The following APC variants were observed in gnomAD, a reference collection of about 807,000 sequenced individuals.
APC encodes adenomatous polyposis coli protein.
APC carries 72 observed loss-of-function variants against 247.0 expected under a neutral mutation model. The observed-to-expected ratio is 0.29, with a 90% confidence interval of 0.24 to 0.35. The LOEUF is 0.35. APC is among the 10% of genes least tolerant of loss of function. APC has a pLI of 1.00. For missense variants in APC, 3,400 were observed against 3,360.7 expected (o/e 1.01, Z -0.29); for synonymous variants, 1,254 against 1,162.5 (o/e 1.08, Z -1.60).
chr5:112,805,157 A>G (rs1761245069), intron 8 of APC, among the ~76,000 whole-genome samples: 1 of 152,088 alleles, frequency 6.6e-6, no homozygotes, highest in Admixed American at 6.5e-5. Context: ...GGTTTTACTT[A>G]TTCTTTTGTG....
In APC at chr5:112,843,471, C is replaced by T. The variant is rs730881268; in HGVS notation, c.7877C>T (p.Thr2626Ile). The T allele has an allele frequency of 2.5e-6, 4 of 1,613,800 alleles. No homozygotes were observed. The highest frequency in any genetic ancestry group is 2.2e-5 in the East Asian group (1 of 44,886). Reference protein sequence around the residue: ...KENEFSPTNSTSQTVSSGATN... With the variant: ...KENEFSPTNSISQTVSSGATN... ...AATGAATTTTCTCCCACAAATAGTA[C>T]TTCTCAGACCGTTTCCTCAGGTGCT... Residue 2626 changes from threonine to isoleucine, a missense_variant, in exon 16 of 16, where the codon ACT (threonine) becomes ATT (isoleucine). Physicochemically the swap from Thr to Ile is moderately conservative, Grantham distance 89 (BLOSUM62 -1). Around this residue, in one of 9 missense-constraint regions of APC, gnomAD observed 1,788 missense variants for 1,649.5 expected, o/e 1.08. Coordinates refer to ENST00000257430, the MANE Select transcript of APC (RefSeq NM_000038.6). The surrounding 1 kb of genome is among the most constrained non-coding windows in gnomAD (Gnocchi z 4.8).
At chr5:112,759,017 C>A (rs1285673545) in intron 2 of APC, among the ~76,000 whole-genome samples, 1 of 152,030 alleles carries the variant, frequency 6.6e-6, no homozygotes, top group Non-Finnish European at 1.5e-5. Context: ...TATCTATAGG[C>A]AAGTTATTGA....
At chr5:112,772,402 G>A (rs1580347894) in intron 4 of APC, among the ~76,000 whole-genome samples, 1 of 152,054 alleles carries the variant, frequency 6.6e-6, no homozygotes, top group African/African-American at 2.4e-5. Flanking sequence ...TTTTACTACA[G>A]GTTAATCTTA....
In APC at chr5:112,843,824, A is replaced by G. The variant is rs770755260; in HGVS notation, c.8230A>G (p.Asn2744Asp). The G allele has an allele frequency of 1.2e-6, 2 of 1,614,050 alleles. No homozygotes were observed. The highest frequency in any genetic ancestry group is 2.2e-5 in the South Asian group (2 of 91,072). The change falls in exon 16 of 16, where the codon AAT becomes GAT. Residue 2744 changes from asparagine to aspartate, a missense_variant. By Grantham distance (23) the Asn-to-Asp change is conservative. This residue lies in a region of APC where 1,788 missense variants were observed against 1,649.5 expected (regional missense o/e 1.08). Transcript: ENST00000257430. This position sits in a 1 kb window ranked among gnomAD's most constrained non-coding sequence, Gnocchi z 4.8. ...AACTGAGATAAAACCAGGACAAAAT[A>G]ATCCTGTCCCTGTATCAGAGACTAA... ...KGTEIKPGQN[N>D]PVPVSETNES...
intron 1 of APC, among the ~76,000 whole-genome samples, chr5:112,753,606 A>G (rs939833951): frequency 3.9e-5 from 6 of 152,130 alleles, no homozygotes; most frequent in Non-Finnish European, 7.4e-5. Context: ...CCCTGCCTGC[A>G]GGACTCCCCT....
chr5:112,820,015 C>G (rs568135249), intron 10 of APC, among the ~76,000 whole-genome samples: 2 of 152,210 alleles, frequency 1.3e-5, no homozygotes, highest in South Asian at 4.1e-4. Flanking sequence ...GAGTGATAAT[C>G]CACCCAGCTC....
intron 4 of APC, among the ~76,000 whole-genome samples, chr5:112,768,747 C>T (rs1439415951): frequency 2.7e-5 from 4 of 150,728 alleles, no homozygotes; most frequent in African/African-American, 7.4e-5. Flanking sequence ...TGTACAGTAG[C>T]GTAGAACACA....
chr5:112,753,187 A>G (rs1462907118), intron 1 of APC, among the ~76,000 whole-genome samples: 1 of 152,112 alleles, frequency 6.6e-6, no homozygotes, highest in Non-Finnish European at 1.5e-5. Flanking sequence ...TGTGCTGGGT[A>G]TTTTCAGACC....
intron 6 of APC, among the ~76,000 whole-genome samples, chr5:112,792,078 G>A (rs943245825): frequency 3.3e-5 from 5 of 151,882 alleles, no homozygotes; most frequent in East Asian, 1.9e-4. Flanking sequence ...AAACCCCATC[G>A]CTACTAAAAA....
At chr5:112,801,680 G>T (rs910942671) in intron 8 of APC, among the ~76,000 whole-genome samples, 2 of 151,894 alleles carry the variant, frequency 1.3e-5, no homozygotes, top group East Asian at 3.9e-4. Context: ...TTATGTATAT[G>T]ATTTGACCTA....
Position 112,839,037 on chromosome 5 carries a change from CTGAAGAAGAACAGCA to C in APC, c.3454_3468del (p.Gln1152_Glu1156del). The C allele has an allele frequency of 6.2e-7, 1 of 1,614,010 alleles. No individual in the cohort carries two copies. The highest frequency in any genetic ancestry group is 1.1e-5 in the South Asian group (1 of 91,070). On this transcript the variant is annotated inframe_deletion, in exon 16 of 16. Coordinates refer to ENST00000257430, the MANE Select transcript of APC (RefSeq NM_000038.6). The surrounding 1 kb of genome is among the most constrained non-coding windows in gnomAD (Gnocchi z 5.0). The stretch of plus-strand genomic sequence containing the variant: ...CCTACCAATTATAGTGAACGTTACT[CTGAAGAAGAACAGCA>C]TGAAGAAGAAGAGAGACCAACAAAT...
intron 1 of APC, among the ~76,000 whole-genome samples, chr5:112,723,288 C>T (rs933566537): frequency 6.6e-5 from 10 of 152,098 alleles, no homozygotes; most frequent in African/African-American, 2.2e-4. Context: ...ATGGAGAGGC[C>T]CTGCCTCTAC....
chr5:112,729,115 C>T (rs1751958995), intron 1 of APC, among the ~76,000 whole-genome samples: 1 of 152,178 alleles, frequency 6.6e-6, no homozygotes, highest in African/African-American at 2.4e-5. Context: ...TAGTCCTCTT[C>T]TAGATTATAA....
At chr5:112,754,182 A>G (rs1175612485) in intron 1 of APC, among the ~76,000 whole-genome samples, 1 of 152,212 alleles carries the variant, frequency 6.6e-6, no homozygotes, top group Non-Finnish European at 1.5e-5. Flanking sequence ...CCAAGACCAC[A>G]TATGCCATAG....
rs775118833 is a variant in APC, at chr5:112,821,878, G to A, written c.1313-18G>A. 26 of 1,585,872 alleles carry A rather than the reference G, an allele frequency of 1.6e-5. No homozygotes were observed. The highest frequency in any genetic ancestry group is 2.2e-5 in the Non-Finnish European group (25 of 1,155,522). ...CAAATAACAAAGCATTATGGTTTAT[G>A]TTGATTTTATTTTTCAGTGCCAGCT... On this transcript the variant is annotated intron_variant, in intron 10 of 15. Coordinates refer to ENST00000257430, the MANE Select transcript of APC (RefSeq NM_000038.6).
At position 112,792,546 on chromosome 5, in the gene APC, T is replaced by C. The variant is rs770104532; in HGVS notation, c.729+17T>C. 5 of 1,595,902 alleles carry C rather than the reference T, an allele frequency of 3.1e-6. No individual in the cohort carries two copies. Among genetic ancestry groups the C allele is most frequent in the Non-Finnish European group, 3.4e-6 (4 of 1,164,324 alleles). On this transcript the variant is annotated intron_variant, in intron 7 of 15. Transcript: ENST00000257430. ...GAAGCAGAGGTTAGTAAATTGCCTTTCTTGTTTGTGGGTATAAAAATAGGT... is the reference window on the plus strand; with the variant it reads ...GAAGCAGAGGTTAGTAAATTGCCTTCCTTGTTTGTGGGTATAAAAATAGGT...
intron 9 of APC, among the ~76,000 whole-genome samples, chr5:112,818,021 A>C (rs1216071387): frequency 6.6e-6 from 1 of 152,230 alleles, no homozygotes; most frequent in African/African-American, 2.4e-5. Context: ...TCTTTGTTGC[A>C]TTCTAGAATG....
At chr5:112,834,311 G>A (rs994474874) in intron 14 of APC, among the ~76,000 whole-genome samples, 3 of 148,162 alleles carry the variant, frequency 2.0e-5, no homozygotes, top group Non-Finnish European at 3.0e-5. Flanking sequence ...TTGCAGTCTC[G>A]GCTCACTGCG....
At position 112,841,395 on chromosome 5, in the gene APC, C is replaced by G. The variant is rs587780600; in HGVS notation, c.5801C>G (p.Pro1934Arg). 1.9e-6 allele frequency: 3 copies of G among 1,613,812 alleles called. No homozygotes were observed. The highest frequency in any genetic ancestry group is 2.7e-5 in the African/African-American group (2 of 75,010). Reference protein sequence around the residue: ...KPILQKQSTFPQSSKDIPDRG... With the variant: ...KPILQKQSTFRQSSKDIPDRG... ...ATACTTCAGAAACAATCCACTTTTC[C>G]CCAGTCATCCAAAGACATACCAGAC... The change falls in exon 16 of 16, where the codon CCC becomes CGC. Residue 1934 changes from proline to arginine, a missense_variant. Around this residue, in one of 9 missense-constraint regions of APC, gnomAD observed 1,788 missense variants for 1,649.5 expected, o/e 1.08. Coordinates refer to ENST00000257430, the MANE Select transcript of APC (RefSeq NM_000038.6). This position sits in a 1 kb window ranked among gnomAD's most constrained non-coding sequence, Gnocchi z 4.6.
Sources: gnomAD v4.1 joint callset for allele counts (sites outside exome capture counted in the v4.1 genomes callset) on GRCh38, gnomAD v4.1.1 for gene constraint, gnomAD v4.1.1 regional missense constraint, Gnocchi (gnomAD v3.1) non-coding constraint, MANE v1.5 for transcripts, NCBI Gene and HGNC (gene_info 2026-07-23, HGNC 2026-07-21) for gene names.